RNF145: variants seen among roughly 807,000 people sequenced by gnomAD.
RNF145 encodes the protein ring finger protein 145.
A neutral mutation model predicts 57.3 loss-of-function variants in RNF145; 12 were observed. That is an observed-to-expected ratio of 0.21 (90% CI 0.13 to 0.34). The LOEUF (loss-of-function observed/expected upper bound fraction) is 0.34. Among genes scored for constraint, RNF145 ranks in the 10% least tolerant of loss-of-function variants. The pLI, the probability that RNF145 is intolerant of heterozygous loss-of-function variation, is 1.00. For missense variants in RNF145, 429 were observed against 799.0 expected (o/e 0.54, Z 5.58); for synonymous variants, 262 against 288.3 (o/e 0.91, Z 0.92).
intron 3 of RNF145, among the ~76,000 whole-genome samples, chr5:159,191,366 T>C (rs770715453): frequency 2.0e-5 from 3 of 152,232 alleles, no homozygotes; most frequent in East Asian, 1.9e-4. Flanking sequence ...AAGTCTGGGA[T>C]TGCCCTTCCT....
intron 8 of RNF145, among the ~76,000 whole-genome samples, chr5:159,163,299 C>G (rs1784289097): frequency 6.6e-6 from 1 of 152,338 alleles, no homozygotes; most frequent in South Asian, 2.1e-4. Context: ...AGCTGATTTT[C>G]TTTTGTTCCT....
rs1291158959 is a variant in RNF145 at position 159,183,718 on chromosome 5, A to C, written c.294-1667T>G. On this transcript the variant is annotated intron_variant, in intron 3 of 10. Transcript: ENST00000424310. Reference sequence around the variant, plus strand: ...ACTATCCAGACCTTTAAAGCCCAATAATTTCTTTTTGGTCATAGCATATCT... The same window carrying C: ...ACTATCCAGACCTTTAAAGCCCAATCATTTCTTTTTGGTCATAGCATATCT... 2.6e-5 allele frequency among the ~76,000 whole-genome samples: 4 copies of C among 152,284 alleles called. No individual in the cohort carries two copies. The East Asian group carries it at 7.7e-4, about 29-fold the overall frequency.
intron 2 of RNF145, among the ~76,000 whole-genome samples, chr5:159,196,739 G>T (rs1785475126): frequency 1.3e-5 from 2 of 152,090 alleles, no homozygotes; most frequent in South Asian, 4.1e-4. Context: ...TACCTCAAAT[G>T]ACTTTAGAGG....
At chr5:159,203,943 AC>A (rs1282013503) in intron 1 of RNF145, among the ~76,000 whole-genome samples, 1 of 152,190 alleles carries the variant, frequency 6.6e-6, no homozygotes, top group Non-Finnish European at 1.5e-5. Context: ...GGAACAAAAC[AC>A]TCTGTAAGAC....
At position 159,162,923 on chromosome 5, in the gene RNF145, T is replaced by G. The variant is rs753357890; in HGVS notation, c.1269+9A>C. 1 of 1,585,488 alleles carries G rather than the reference T, an allele frequency of 6.3e-7. No homozygotes were observed. The highest frequency in any genetic ancestry group is 8.5e-7 in the Non-Finnish European group (1 of 1,171,522). On this transcript the variant is annotated intron_variant, in intron 9 of 10. Transcript: ENST00000424310. ...GTTATTATATAGAGTTAATTAATCA[T>G]AGGCTTACCTGAAGAGAGGTAAGAA...
intron 1 of RNF145, among the ~76,000 whole-genome samples, chr5:159,204,661 G>A (rs758324086): frequency 3.3e-5 from 5 of 151,916 alleles, no homozygotes; most frequent in South Asian, 2.1e-4. Context: ...AAAATTAGCC[G>A]GGCATGGTGG....
chr5:159,191,453 G>C (rs939847782), intron 3 of RNF145, among the ~76,000 whole-genome samples: 2 of 152,006 alleles, frequency 1.3e-5, no homozygotes, highest in African/African-American at 4.8e-5. Flanking sequence ...AATAAGAATG[G>C]GAAGTATTTT....
intron 3 of RNF145, among the ~76,000 whole-genome samples, chr5:159,187,931 G>A (rs1472011865): frequency 1.3e-5 from 2 of 152,206 alleles, no homozygotes; most frequent in Non-Finnish European, 2.9e-5. Context: ...TCTTGGGGAA[G>A]TTTTTACATT....
chr5:159,165,218 G>A (rs1208357562), intron 8 of RNF145, among the ~76,000 whole-genome samples: 1 of 152,078 alleles, frequency 6.6e-6, no homozygotes, highest in Admixed American at 6.5e-5. Flanking sequence ...CACATCTAAC[G>A]ACAGGGGCAG....
chr5:159,201,690 C>CTT (rs1175652921), intron 2 of RNF145, among the ~76,000 whole-genome samples: 1 of 152,070 alleles, frequency 6.6e-6, no homozygotes, highest in Non-Finnish European at 1.5e-5. Context: ...GTATACCATG[C>CTT]TAACATCTGT....
At chr5:159,188,249 T>C (rs1785155158) in intron 3 of RNF145, among the ~76,000 whole-genome samples, 2 of 151,914 alleles carry the variant, frequency 1.3e-5, no homozygotes, top group Non-Finnish European at 2.9e-5. Context: ...TAGCTGGGCA[T>C]GGTGGCAGGC....
intron 6 of RNF145, among the ~76,000 whole-genome samples, chr5:159,173,443 A>G (rs1391963141): frequency 6.6e-6 from 1 of 152,144 alleles, no homozygotes; most frequent in Non-Finnish European, 1.5e-5. Context: ...ACAAAGGCAA[A>G]GTATAGAGAG....
chr5:159,178,194 T>C (rs1784777304), intron 4 of RNF145, among the ~76,000 whole-genome samples: 1 of 151,972 alleles, frequency 6.6e-6, no homozygotes, highest in East Asian at 1.9e-4. Context: ...AGCTAATTTT[T>C]AATTTTAACT....
intron 4 of RNF145, among the ~76,000 whole-genome samples, chr5:159,180,276 C>T (rs1784847093): frequency 2.0e-5 from 3 of 152,078 alleles, no homozygotes; most frequent in Admixed American, 2.0e-4. Flanking sequence ...TCACCTGCAG[C>T]AGTACCCTTG....
chr5:159,193,931 T>C (rs1342995189), intron 3 of RNF145, among the ~76,000 whole-genome samples: 2 of 152,350 alleles, frequency 1.3e-5, no homozygotes, highest in Non-Finnish European at 2.9e-5. Flanking sequence ...AAAGAAATTA[T>C]ACCTCCAAAA....
chr5:159,172,535 C>A (rs151063960), intron 6 of RNF145, among the ~76,000 whole-genome samples: 1 of 151,726 alleles, frequency 6.6e-6, no homozygotes, highest in Non-Finnish European at 1.5e-5. Flanking sequence ...AAACAAATAG[C>A]AGTCAAATTT....
intron 4 of RNF145, 46 bp downstream of exon 4, chr5:159,181,914 G>T (rs375310751): frequency 2.8e-6 from 3 of 1,081,238 alleles, no homozygotes; most frequent in South Asian, 1.4e-5. Flanking sequence ...AAGTTAGTAA[G>T]ACTGGTCGGT....
rs561459940 is a variant in RNF145, at chr5:159,168,225, A to T, written c.1121+648T>A. On this transcript the variant is annotated intron_variant, in intron 8 of 10. Transcript: ENST00000424310. ...ATACAGCTCTCAAAATATCACACGA[A>T]CCTCAAAAATATATACTACTACTAT... Among the ~76,000 whole-genome samples the T allele has an allele frequency of 2.7e-4, 41 of 152,284 alleles. No homozygotes were observed. The South Asian group carries it at 8.3e-3, about 31-fold the overall frequency.
intron 4 of RNF145, among the ~76,000 whole-genome samples, chr5:159,180,348 G>A (rs2113151869): frequency 6.6e-6 from 1 of 152,158 alleles, no homozygotes; most frequent in South Asian, 2.1e-4. Flanking sequence ...TGGGAATCTG[G>A]AAGGTCAATC....
Sources: gnomAD v4.1 joint callset for allele counts (sites outside exome capture counted in the v4.1 genomes callset) on GRCh38, gnomAD v4.1.1 for gene constraint, MANE v1.5 for transcripts, NCBI Gene and HGNC (gene_info 2026-07-23, HGNC 2026-07-21) for gene names.